The following ZNF318 variants were observed in gnomAD, a reference collection of about 807,000 sequenced individuals.
ZNF318 encodes the protein zinc finger protein 318, also known as endocrine regulator.
A neutral mutation model predicts 124.2 loss-of-function variants in ZNF318; 51 were observed. That is an observed-to-expected ratio of 0.41 (90% CI 0.33 to 0.52). ZNF318 has a LOEUF of 0.52. Ranked by LOEUF, ZNF318 falls within the 20% of genes least tolerant of loss-of-function variation. The pLI is 0.23. For synonymous variants in ZNF318, 1,090 were observed against 1,040.7 expected, an observed-to-expected ratio of 1.05 and a Z score of -0.91; for missense variants, 2,815 against 2,811.2, an observed-to-expected ratio of 1.00 and a Z score of -0.03.
At chr6:43,346,010 C>G (rs1779434820) in intron 6 of ZNF318, among the ~76,000 whole-genome samples, 1 of 151,868 alleles carries the variant, frequency 6.6e-6, no homozygotes. Flanking sequence ...CGAGACCAGC[C>G]TGGCCAACAT....
intron 3 of ZNF318, 41 bp downstream of exon 3, chr6:43,357,085 G>C: frequency 6.4e-7 from 1 of 1,563,738 alleles, no homozygotes; most frequent in Non-Finnish European, 8.6e-7. Flanking sequence ...TAAGATATTA[G>C]GGAGACTAGC....
chr6:43,369,296 G>T lies in ZNF318; in HGVS notation c.70C>A (p.Arg24Ser). The T allele has an allele frequency of 7.5e-7, 1 of 1,341,184 alleles. No homozygotes were observed. The highest frequency in any genetic ancestry group is 1.6e-5 in the South Asian group (1 of 62,644). The allele number at this position is 1,341,184 out of a possible 1,614,324, so 83.1% of individuals were successfully genotyped here. A position where few individuals can be genotyped will look rare whatever the true frequency, so the allele number is the denominator to read the frequency against. The change falls in exon 1 of 10, where the codon CGC (arginine) becomes AGC (serine). Residue 24 changes from arginine to serine, a missense_variant. Physicochemically the swap from Arg to Ser is moderately radical, Grantham distance 110 (BLOSUM62 -1). Transcript: ENST00000361428. ...GAGGAGCCAGAGCTGCGGCCGCTGCGCGGGCCGCCCCCGCCGTCGTCTTTA... is the reference window on the plus strand; with the variant it reads ...GAGGAGCCAGAGCTGCGGCCGCTGCTCGGGCCGCCCCCGCCGTCGTCTTTA... Reference protein sequence around the residue: ...RPKDDGGGGPRSGRSSGSSSG... With the variant: ...RPKDDGGGGPSSGRSSGSSSG...
Position 43,356,096 on chromosome 6 carries a change from T to G in ZNF318, c.1238A>C (p.Tyr413Ser), listed in dbSNP as rs771607198. 1.7e-5 allele frequency: 28 copies of G among 1,613,662 alleles called. No homozygotes were observed. Among genetic ancestry groups the G allele is most frequent in the Non-Finnish European group, 2.2e-5 (26 of 1,179,904 alleles). The change falls in exon 4 of 10, where the codon TAC becomes TCC. Residue 413 changes from tyrosine (Y) to serine (S), a missense_variant. Tyr to Ser is a moderately radical substitution (Grantham distance 144, BLOSUM62 -2). Coordinates refer to ENST00000361428, the MANE Select transcript of ZNF318 (RefSeq NM_014345.3). ...TAGTGGAAGGGATGGGTGCCCAGAGTAGAGAGGGTGATCCTGGCTGGAGCT... is the reference window on the plus strand; with the variant it reads ...TAGTGGAAGGGATGGGTGCCCAGAGGAGAGAGGGTGATCCTGGCTGGAGCT... ...STSSSQDHPL[Y>S]SGHPSLPLSG...
In ZNF318 at chr6:43,338,886, G is replaced by A. The variant is rs1464834250; in HGVS notation, c.5112C>T (p.Phe1704=). ...ATATATCCCTACTAGTGTCACTCTG[G>A]AAGGAACTAGAGGTCCATATGGCCA... is the stretch of plus-strand genomic sequence containing the variant. ...DTLAIWTSSS[F]QSDTSRDISP... is the part of the protein sequence containing the mutation. The change falls in exon 10 of 10, where the codon TTC becomes TTT. Residue 1704 remains phenylalanine, a synonymous_variant. Transcript: ENST00000361428. The A allele has an allele frequency of 4.3e-6, 7 of 1,613,956 alleles. No individual in the cohort carries two copies. Among genetic ancestry groups the A allele is most frequent in the Non-Finnish European group, 5.9e-6 (7 of 1,180,028 alleles).
At position 43,352,429 on chromosome 6, in the gene ZNF318, C is replaced by A. The variant is rs1432897732; in HGVS notation, c.2718G>T (p.Gln906His). ...CGGTCCTAAGATAGTACATCTTCTTCTGGCGGGCTTCCCGGTCATTCTTTA... is the reference window on the plus strand; with the variant it reads ...CGGTCCTAAGATAGTACATCTTCTTATGGCGGGCTTCCCGGTCATTCTTTA... Reference protein sequence around the residue: ...EKLKNDREARQKKMYYLRTEL... With the variant: ...EKLKNDREARHKKMYYLRTEL... Residue 906 changes from glutamine to histidine, a missense_variant, in exon 5 of 10, where the codon CAG becomes CAT. Gln to His is a conservative substitution (Grantham distance 24). Around this residue, in one of 4 missense-constraint regions of ZNF318, gnomAD observed 1,377 missense variants for 1,353.5 expected, o/e 1.02. Coordinates refer to ENST00000361428, the MANE Select transcript of ZNF318 (RefSeq NM_014345.3). 1 of 1,614,030 alleles carries A rather than the reference C, an allele frequency of 6.2e-7. No homozygotes were observed. Among genetic ancestry groups the A allele is most frequent in the Admixed American group, 1.7e-5 (1 of 59,990 alleles).
intron 4 of ZNF318, among the ~76,000 whole-genome samples, chr6:43,353,353 C>T (rs1445192697): frequency 1.3e-5 from 2 of 150,586 alleles, no homozygotes; most frequent in Non-Finnish European, 2.9e-5. Flanking sequence ...ATGAGACTGG[C>T]CCTCTAATTT....
At chr6:43,354,213 G>A (rs1779572714) in intron 4 of ZNF318, among the ~76,000 whole-genome samples, 1 of 152,098 alleles carries the variant, frequency 6.6e-6, no homozygotes. Context: ...TTCTTGGTTT[G>A]CTTCAATTAT....
intron 8 of ZNF318, 97 bp downstream of exon 8, chr6:43,342,015 G>A (rs1383160155): frequency 8.6e-6 from 9 of 1,046,998 alleles, no homozygotes; most frequent in Non-Finnish European, 1.3e-5. Flanking sequence ...AGGAATGGCT[G>A]TCTCATGCTA....
rs1156361767 is a variant in ZNF318, at chr6:43,354,803, T to A, written c.2531A>T (p.Asp844Val). 1.2e-6 allele frequency: 2 copies of A among 1,614,212 alleles called. No homozygotes were observed. The highest frequency in any genetic ancestry group is 1.7e-5 in the Admixed American group (1 of 60,018). ...NLRVIPTVTP[D>V]KPKQKESLRG... is the part of the protein sequence containing the mutation. The stretch of plus-strand genomic sequence containing the variant: ...CAGAGACTCTTTCTGCTTAGGCTTA[T>A]CAGGAGTCACAGTGGGGATCACACG... The change falls in exon 4 of 10, where the codon GAT becomes GTT. Residue 844 changes from aspartate to valine, a missense_variant. Physicochemically the swap from Asp to Val is radical, Grantham distance 152. Coordinates refer to ENST00000361428, the MANE Select transcript of ZNF318 (RefSeq NM_014345.3).
In ZNF318 at chr6:43,355,671, G is replaced by C. The variant is rs200417475; in HGVS notation, c.1663C>G (p.Leu555Val). ...ATAACTTCACTCTCAGAGCTCCCAA[G>C]GGGCTTTGGTACGGATTCTGCCTTT... ...DLKAESVPKP[L>V]GSSESEVMRQ... Residue 555 changes from leucine to valine, a missense_variant, in exon 4 of 10, where the codon CTT becomes GTT. Transcript: ENST00000361428. 1.2e-6 allele frequency: 2 copies of C among 1,614,178 alleles called. No homozygotes were observed. The highest frequency in any genetic ancestry group is 1.3e-5 in the African/African-American group (1 of 75,044).
rs1175825152 is a variant in ZNF318, at chr6:43,348,323, C to T, written c.3072+1G>A. The T allele has an allele frequency of 6.2e-7, 1 of 1,600,168 alleles. No homozygotes were observed. The highest frequency in any genetic ancestry group is 1.4e-5 in the African/African-American group (1 of 74,032). On this transcript the variant is annotated splice_donor_variant, in intron 6 of 9. Coordinates refer to ENST00000361428, the MANE Select transcript of ZNF318 (RefSeq NM_014345.3). LOFTEE classifies it high-confidence loss of function. ...TAGAAATGGAAAAATTGAGTTGTTA[C>T]CTTGTTGGAGGAGGAGTTTGAGAAC...
At position 43,338,083 on chromosome 6, in the gene ZNF318, G is replaced by C; in HGVS notation, c.5915C>G (p.Pro1972Arg). 2 of 1,614,060 alleles carry C rather than the reference G, an allele frequency of 1.2e-6. No individual in the cohort carries two copies. The highest frequency in any genetic ancestry group is 3.3e-4 in the Middle Eastern group (2 of 6,062). ...NKKRPETWES[P>R]EKPKTEALEL... ...CAGTGCTTCTGTTTTTGGTTTCTCT[G>C]GGCTCTCCCAGGTCTCTGGCCTCTT... Residue 1972 changes from proline (P) to arginine (R), a missense_variant, in exon 10 of 10, where the codon CCA becomes CGA. Around this residue, in one of 4 missense-constraint regions of ZNF318, gnomAD observed 927 missense variants for 820.6 expected, o/e 1.13. Transcript: ENST00000361428.
In ZNF318 at chr6:43,337,927, A is replaced by C. The variant is rs1450622458; in HGVS notation, c.6071T>G (p.Phe2024Cys). 1 of 1,614,236 alleles carries C rather than the reference A, an allele frequency of 6.2e-7. No individual in the cohort carries two copies. Among genetic ancestry groups the C allele is most frequent in the Non-Finnish European group, 8.5e-7 (1 of 1,180,042 alleles). ...TGCTGGGCTTACCCGAGTAGTGCAGAAATCAACAGGCATATCCCCCAGATT... is the reference window on the plus strand; with the variant it reads ...TGCTGGGCTTACCCGAGTAGTGCAGCAATCAACAGGCATATCCCCCAGATT... Reference protein sequence around the residue: ...LGNLGDMPVDFCTTRVSPAHR... With the variant: ...LGNLGDMPVDCCTTRVSPAHR... The change falls in exon 10 of 10, where the codon TTC becomes TGC. Residue 2024 changes from phenylalanine to cysteine, a missense_variant. Phe to Cys is a radical substitution (Grantham distance 205). Transcript: ENST00000361428.
chr6:43,368,598 G>T, intron 1 of ZNF318: 1 of 912,132 alleles, frequency 1.1e-6, no homozygotes, highest in Non-Finnish European at 1.3e-6. Flanking sequence ...CAGCTCAGGT[G>T]TAAGGGGATG....
intron 6 of ZNF318, among the ~76,000 whole-genome samples, chr6:43,343,827 CAAAAA>C (rs10560070): frequency 6.9e-5 from 7 of 101,916 alleles, no homozygotes; most frequent in Non-Finnish European, 1.0e-4. Flanking sequence ...GACCCTGTCT[CAAAAA>C]AAAAAAAAAA....
intron 2 of ZNF318, among the ~76,000 whole-genome samples, chr6:43,364,961 A>C (rs1581652621): frequency 6.6e-6 from 1 of 152,212 alleles, no homozygotes; most frequent in African/African-American, 2.4e-5. Flanking sequence ...GGGACTGCTC[A>C]TAGTTTCACT....
chr6:43,337,618 A>G lies in ZNF318; in HGVS notation c.6380T>C (p.Leu2127Pro). The G allele has an allele frequency of 6.2e-7, 1 of 1,614,134 alleles. No individual in the cohort carries two copies. Among genetic ancestry groups the G allele is most frequent in the Non-Finnish European group, 8.5e-7 (1 of 1,180,010 alleles). The change falls in exon 10 of 10, where the codon CTT becomes CCT. Residue 2127 changes from leucine (L) to proline (P), a missense_variant. Leu to Pro is a moderately conservative substitution (Grantham distance 98). This residue lies in a region of ZNF318 where 927 missense variants were observed against 820.6 expected (regional missense o/e 1.13). Coordinates refer to ENST00000361428, the MANE Select transcript of ZNF318 (RefSeq NM_014345.3). Reference protein sequence around the residue: ...LGGLEGTHQALDLLAGGMMPE... With the variant: ...LGGLEGTHQAPDLLAGGMMPE... ...CATCATTCCTCCTGCTAACAGGTCA[A>G]GGGCCTGGTGTGTTCCCTCTAGGCC...
At position 43,357,586 on chromosome 6, in the gene ZNF318, T is replaced by A; in HGVS notation, c.728A>T (p.His243Leu). 1 of 1,614,178 alleles carries A rather than the reference T, an allele frequency of 6.2e-7. No individual in the cohort carries two copies. The highest frequency in any genetic ancestry group is 8.5e-7 in the Non-Finnish European group (1 of 1,180,030). The change falls in exon 3 of 10, where the codon CAT becomes CTT. Residue 243 changes from histidine (H) to leucine (L), a missense_variant. Around this residue, in one of 4 missense-constraint regions of ZNF318, gnomAD observed 1,377 missense variants for 1,353.5 expected, o/e 1.02. Transcript: ENST00000361428. The part of the protein sequence containing the change: ...RSDYSPHISC[H>L]DELLRGTERN... ...TTCTGTTCCCCGCAACAGCTCATCA[T>A]GACAACTGATATGGGGACTATAATC...
intron 3 of ZNF318, 47 bp downstream of exon 3, chr6:43,357,079 A>C: frequency 6.4e-7 from 1 of 1,558,690 alleles, no homozygotes; most frequent in Non-Finnish European, 8.7e-7. Flanking sequence ...AGGCTTTAAG[A>C]TATTAGGGAG....
Sources: allele counts gnomAD v4.1 joint callset (sites outside exome capture counted in the v4.1 genomes callset), GRCh38; gene constraint gnomAD v4.1.1; regional missense constraint gnomAD v4.1.1; transcripts MANE v1.5; gene names NCBI Gene and HGNC (gene_info 2026-07-23, HGNC 2026-07-21).